Variants in TMEM132D observed in about 807,000 individuals in gnomAD.
TMEM132D encodes transmembrane protein 132D.
In TMEM132D, 21 loss-of-function variants were observed where a neutral mutation model predicts 62.3. The ratio of observed to expected loss-of-function variants is 0.34; its 90% CI spans 0.24 to 0.49. The LOEUF (loss-of-function observed/expected upper bound fraction) is 0.49, where lower values mean the gene tolerates loss of function less well. TMEM132D is among the 20% of genes least tolerant of loss of function. The pLI is 0.99. For missense variants in TMEM132D, 1,346 were observed against 1,402.8 expected (o/e 0.96, Z 0.65); for synonymous variants, 621 against 575.6 (o/e 1.08, Z -1.13).
chr12:129,511,325 A>T (rs1311650935), intron 3 of TMEM132D, among the ~76,000 whole-genome samples: 1 of 151,846 alleles, frequency 6.6e-6, no homozygotes, highest in Non-Finnish European at 1.5e-5. Flanking sequence ...GTCAGCCCCA[A>T]TTTTTTTTGC....
intron 4 of TMEM132D, among the ~76,000 whole-genome samples, chr12:129,250,994 G>T (rs1476523362): frequency 1.3e-5 from 2 of 152,142 alleles, no homozygotes; most frequent in African/African-American, 2.4e-5. Flanking sequence ...GTTTTATTTT[G>T]CATGGTTCAC....
At position 129,536,241 on chromosome 12, in the gene TMEM132D, G is replaced by A. The variant is rs956678959; in HGVS notation, c.969-5036C>T. On this transcript the variant is annotated intron_variant, in intron 2 of 8. Transcript: ENST00000422113. ...CAATCTATGGAACAATACACAGTGT[G>A]CACCCACCAAAGGGTGCCACACTCC... 2.0e-5 allele frequency among the ~76,000 whole-genome samples: 3 copies of A among 152,156 alleles called. 1 individual carries two copies. The highest frequency in any genetic ancestry group is 4.1e-4 in the South Asian group (2 of 4,820).
At chr12:129,463,263 T>A (rs1873742962) in intron 3 of TMEM132D, among the ~76,000 whole-genome samples, 1 of 152,166 alleles carries the variant, frequency 6.6e-6, no homozygotes, top group African/African-American at 2.4e-5. Context: ...TTTATTTTAT[T>A]TATTTTTTTT....
chr12:129,074,155 T>C lies in TMEM132D; in HGVS notation c.3020A>G (p.Asn1007Ser), dbSNP rs2135602026. 1.1e-5 allele frequency: 18 copies of C among 1,613,968 alleles called. No homozygotes were observed. The highest frequency in any genetic ancestry group is 1.5e-5 in the Non-Finnish European group (18 of 1,180,012). The change falls in exon 9 of 9, where the codon AAC (asparagine) becomes AGC (serine). Residue 1007 changes from asparagine to serine, a missense_variant. Transcript: ENST00000422113. ...CTGCCCATTGATGCTTTTTTGGGAG[T>C]TTGTGCTGAGGAGATATTTACTTTC... ...FEESKYLLST[N>S]SQKSINGQLF... is the part of the protein sequence containing the mutation.
At chr12:129,517,090 T>C (rs1302574615) in intron 3 of TMEM132D, among the ~76,000 whole-genome samples, 1 of 152,144 alleles carries the variant, frequency 6.6e-6, no homozygotes, top group Non-Finnish European at 1.5e-5. Context: ...TCTGTTGCCA[T>C]GTAACCTATA....
intron 4 of TMEM132D, among the ~76,000 whole-genome samples, chr12:129,311,456 T>G (rs886165186): frequency 6.6e-6 from 1 of 152,148 alleles, no homozygotes. Flanking sequence ...AACAAATATT[T>G]TGAATGCCCA....
At chr12:129,116,165 C>T (rs1268029833) in intron 5 of TMEM132D, among the ~76,000 whole-genome samples, 1 of 152,176 alleles carries the variant, frequency 6.6e-6, no homozygotes, top group African/African-American at 2.4e-5. Context: ...TGAGAAGCTT[C>T]ACCTGGGGAG....
At chr12:129,198,147 T>C (rs1235116089) in intron 5 of TMEM132D, among the ~76,000 whole-genome samples, 1 of 152,150 alleles carries the variant, frequency 6.6e-6, no homozygotes, top group African/African-American at 2.4e-5. Context: ...TATAAAATTA[T>C]AAAAATCATT....
chr12:129,670,083 G>C (rs761971769), intron 2 of TMEM132D, among the ~76,000 whole-genome samples: 62 of 152,110 alleles, frequency 4.1e-4, no homozygotes, highest in Non-Finnish European at 6.9e-4. Flanking sequence ...AACCCAAAGG[G>C]AGGGATTGAA....
chr12:129,532,931 C>G (rs1274872103), intron 2 of TMEM132D, among the ~76,000 whole-genome samples: 1 of 152,182 alleles, frequency 6.6e-6, no homozygotes. Context: ...TGTGCCTTTT[C>G]CCTCTGCGGA....
Position 129,148,597 on chromosome 12 carries a change from C to G in TMEM132D, c.1443+60923G>C, listed in dbSNP as rs974313665. Among the ~76,000 whole-genome samples, 4 of 152,164 alleles carry G rather than the reference C, an allele frequency of 2.6e-5. No homozygotes were observed. The South Asian group carries it at 6.2e-4, about 24-fold the overall frequency. ...AGCCCTGCCAGTGCCTTGATTTATTCCCCATAGGACCCATGTTTGGACTTC... is the reference window on the plus strand; with the variant it reads ...AGCCCTGCCAGTGCCTTGATTTATTGCCCATAGGACCCATGTTTGGACTTC... On this transcript the variant is annotated intron_variant, in intron 5 of 8. Transcript: ENST00000422113.
At chr12:129,298,838 A>G (rs1472258650) in intron 4 of TMEM132D, among the ~76,000 whole-genome samples, 1 of 152,206 alleles carries the variant, frequency 6.6e-6, no homozygotes, top group African/African-American at 2.4e-5. Flanking sequence ...AGTGACAGGC[A>G]CTGAACAAGA....
chr12:129,339,754 C>T (rs1869407444), intron 3 of TMEM132D, among the ~76,000 whole-genome samples: 2 of 152,122 alleles, frequency 1.3e-5, no homozygotes, highest in Admixed American at 6.6e-5. Context: ...GGATAATCTC[C>T]GTCTCCGAGT....
At chr12:129,486,029 T>C (rs1032478435) in intron 3 of TMEM132D, among the ~76,000 whole-genome samples, 3 of 152,202 alleles carry the variant, frequency 2.0e-5, no homozygotes, top group Admixed American at 6.5e-5. Context: ...GCCTCAGGGC[T>C]TCCTGTTGAT....
intron 3 of TMEM132D, among the ~76,000 whole-genome samples, chr12:129,456,421 G>A (rs1013120014): frequency 1.1e-4 from 17 of 152,292 alleles, no homozygotes; most frequent in East Asian, 1.9e-4. Flanking sequence ...TGGTGAAGCT[G>A]TCTCCCAGGA....
At chr12:129,167,308 A>G (rs1237654049) in intron 5 of TMEM132D, among the ~76,000 whole-genome samples, 4 of 152,120 alleles carry the variant, frequency 2.6e-5, no homozygotes, top group Non-Finnish European at 5.9e-5. Context: ...ATCTCCCAGG[A>G]ACCAGGGGCC....
chr12:129,760,154 G>A (rs1870305232), intron 1 of TMEM132D, among the ~76,000 whole-genome samples: 1 of 151,910 alleles, frequency 6.6e-6, no homozygotes, highest in Admixed American at 6.6e-5. Flanking sequence ...CAATCCTTCT[G>A]CCTTGGCCTC....
chr12:129,547,816 G>A (rs1431346228), intron 2 of TMEM132D, among the ~76,000 whole-genome samples: 1 of 152,144 alleles, frequency 6.6e-6, no homozygotes, highest in African/African-American at 2.4e-5. Flanking sequence ...ATGAAAAGAA[G>A]TTTTACCCCA....
In TMEM132D at chr12:129,149,543, G is replaced by T. The variant is rs1473575983; in HGVS notation, c.1443+59977C>A. On this transcript the variant is annotated intron_variant, in intron 5 of 8. Coordinates refer to ENST00000422113, the MANE Select transcript of TMEM132D (RefSeq NM_133448.3). ...TCAGACATTGCTGGAGGAGTCAGGAGACGTGTTTCTATTCTGTCCGTCTCC... is the reference window on the plus strand; with the variant it reads ...TCAGACATTGCTGGAGGAGTCAGGATACGTGTTTCTATTCTGTCCGTCTCC... Among the ~76,000 whole-genome samples the T allele has an allele frequency of 2.6e-5, 4 of 152,318 alleles. No homozygotes were observed. In the East Asian group the frequency reaches 5.8e-4, roughly 22 times the overall value.
Sources: allele counts gnomAD v4.1 joint callset (sites outside exome capture counted in the v4.1 genomes callset), GRCh38; gene constraint gnomAD v4.1.1; transcripts MANE v1.5; gene names NCBI Gene and HGNC (gene_info 2026-07-23, HGNC 2026-07-21).